The following TFAP2E variants were observed in gnomAD, a reference collection of about 807,000 sequenced individuals.
TFAP2E encodes the protein transcription factor AP-2-epsilon.
A neutral mutation model predicts 37.9 loss-of-function variants in TFAP2E; 30 were observed. The observed-to-expected ratio is 0.79, with a 90% confidence interval of 0.59 to 1.07. The LOEUF is 1.07. Ranked by LOEUF, TFAP2E falls within the 50% of genes least tolerant of loss-of-function variation. The pLI, the probability that TFAP2E is intolerant of heterozygous loss-of-function variation, is 0.00. For missense variants in TFAP2E, 567 were observed against 637.9 expected, an observed-to-expected ratio of 0.89 and a Z score of 1.20; for synonymous variants, 318 against 295.8, an observed-to-expected ratio of 1.08 and a Z score of -0.77.
At position 35,574,369 on chromosome 1, in the gene TFAP2E, T is replaced by C; in HGVS notation, c.470T>C (p.Leu157Pro). 1 of 1,444,486 alleles carries C rather than the reference T, an allele frequency of 6.9e-7. No individual in the cohort carries two copies. Among genetic ancestry groups the C allele is most frequent in the Non-Finnish European group, 9.0e-7 (1 of 1,111,656 alleles). The allele number at this position is 1,444,486 out of a possible 1,614,324, so 89.5% of individuals were successfully genotyped here. A position where few individuals can be genotyped will look rare whatever the true frequency, so the allele number is the denominator to read the frequency against. Residue 157 changes from leucine (L) to proline (P), a missense_variant, in exon 2 of 7, where the codon CTT becomes CCT. By Grantham distance (98) the Leu-to-Pro change is moderately conservative (BLOSUM62 -3). This residue lies in a region of TFAP2E where 312 missense variants were observed against 317.4 expected (regional missense o/e 0.98). Coordinates refer to ENST00000373235, the MANE Select transcript of TFAP2E (RefSeq NM_178548.4). ...AHGLADAPLG[L>P]PGLAAAPGLE... Reference sequence around the variant, plus strand: ...GGCCTGGCAGACGCACCTCTCGGCCTTCCGGGGCTGGCGGCGGCCCCCGGT... The same window carrying C: ...GGCCTGGCAGACGCACCTCTCGGCCCTCCGGGGCTGGCGGCGGCCCCCGGT...
chr1:35,590,514 A>G lies in TFAP2E; in HGVS notation c.905-120A>G. ...GAGCTGGGCTGGGAAGGAACATCAG[A>G]GGGGGCATCTACACAGGCAGGATGG... is the stretch of plus-strand genomic sequence containing the variant. On this transcript the variant is annotated intron_variant, in intron 5 of 6. Coordinates refer to ENST00000373235, the MANE Select transcript of TFAP2E (RefSeq NM_178548.4). This position sits in a 1 kb window ranked among gnomAD's most constrained non-coding sequence, Gnocchi z 6.2. The G allele has an allele frequency of 2.5e-6, 3 of 1,190,404 alleles. No individual in the cohort carries two copies. The highest frequency in any genetic ancestry group is 3.3e-6 in the Non-Finnish European group (3 of 904,300). 73.7% of individuals were successfully genotyped at this position (1,190,404 alleles called of 1,614,324 possible).
intron 3 of TFAP2E, among the ~76,000 whole-genome samples, chr1:35,582,911 CT>C (rs975535593): frequency 5.6e-4 from 83 of 147,648 alleles, no homozygotes; most frequent in African/African-American, 1.7e-3. Flanking sequence ...TTCTTTCTTT[CT>C]TTTTTTTTTG....
At position 35,588,422 on chromosome 1, in the gene TFAP2E, T is replaced by G. The variant is rs1490163388; in HGVS notation, c.655T>G (p.Cys219Gly). 2.5e-6 allele frequency: 4 copies of G among 1,612,458 alleles called. No homozygotes were observed. The East Asian group carries it at 8.9e-5, about 36-fold the overall frequency. ...GGITNPGEVFCSVPGRLSLLS... is the reference protein window; with the variant it reads ...GGITNPGEVFGSVPGRLSLLS... ...CATCACAAATCCTGGTGAGGTCTTCTGCTCCGTGCCCGGCCGGCTTTCACT... is the reference window on the plus strand; with the variant it reads ...CATCACAAATCCTGGTGAGGTCTTCGGCTCCGTGCCCGGCCGGCTTTCACT... Residue 219 changes from cysteine (C) to glycine (G), a missense_variant, in exon 4 of 7, where the codon TGC (cysteine) becomes GGC (glycine). By Grantham distance (159) the Cys-to-Gly change is radical. Coordinates refer to ENST00000373235, the MANE Select transcript of TFAP2E (RefSeq NM_178548.4). This position sits in a 1 kb window ranked among gnomAD's most constrained non-coding sequence, Gnocchi z 5.1.
Position 35,590,896 on chromosome 1 carries a change from A to G in TFAP2E, c.1046+121A>G. ...GGGCACACATGCGTATTTGCGCACC[A>G]CTGTGTACACGAGCAGTGGGCACAC... On this transcript the variant is annotated intron_variant, in intron 6 of 6. Coordinates refer to ENST00000373235, the MANE Select transcript of TFAP2E (RefSeq NM_178548.4). This position sits in a 1 kb window ranked among gnomAD's most constrained non-coding sequence, Gnocchi z 6.2. 1 of 1,172,912 alleles carries G rather than the reference A, an allele frequency of 8.5e-7. No individual in the cohort carries two copies. Among genetic ancestry groups the G allele is most frequent in the Non-Finnish European group, 1.1e-6 (1 of 912,774 alleles). 72.7% of individuals were successfully genotyped at this position (1,172,912 alleles called of 1,614,324 possible).
At position 35,594,517 on chromosome 1, in the gene TFAP2E, C is replaced by A; in HGVS notation, c.1170C>A (p.Thr390=). 1 of 1,614,198 alleles carries A rather than the reference C, an allele frequency of 6.2e-7. No homozygotes were observed. The highest frequency in any genetic ancestry group is 8.5e-7 in the Non-Finnish European group (1 of 1,180,026). The change falls in exon 7 of 7, where the codon ACC becomes ACA. Residue 390 remains threonine (T), a synonymous_variant. Coordinates refer to ENST00000373235, the MANE Select transcript of TFAP2E (RefSeq NM_178548.4). ...QSCLTHFSLI[T]HGFGGPAICA... ...GCTTGACACACTTTAGCCTCATCAC[C>A]CATGGCTTCGGTGGGCCTGCCATCT...
rs1343395883 is a variant in TFAP2E at position 35,573,967 on chromosome 1, G to A, written c.68G>A (p.Arg23His). The A allele has an allele frequency of 1.4e-6, 2 of 1,472,848 alleles. No homozygotes were observed. The highest frequency in any genetic ancestry group is 2.6e-5 in the Admixed American group (1 of 39,104). 91.2% of individuals were successfully genotyped at this position (1,472,848 alleles called of 1,614,324 possible). The part of the protein sequence containing the change: ...DGLGAAAGGA[R>H]LSSLPQAAYG... The stretch of plus-strand genomic sequence containing the variant: ...CTGGGAGCAGCTGCCGGCGGGGCCC[G>A]CCTGTCGTCTCTGCCCCAGGCGGCC... The change falls in exon 2 of 7, where the codon CGC (arginine) becomes CAC (histidine). Residue 23 changes from arginine (R) to histidine (H), a missense_variant. Physicochemically the swap from Arg to His is conservative, Grantham distance 29. This residue lies in a region of TFAP2E where 312 missense variants were observed against 317.4 expected (regional missense o/e 0.98). Transcript: ENST00000373235. The surrounding 1 kb of genome is among the most constrained non-coding windows in gnomAD (Gnocchi z 5.9).
chr1:35,577,544 A>T lies in TFAP2E; in HGVS notation c.562+2544A>T. ...GCCACCTGAAGCGTCGGATCCCTACAGTGCCTCCCAGCCTGGGCGGGAGCG... is the reference window on the plus strand; with the variant it reads ...GCCACCTGAAGCGTCGGATCCCTACTGTGCCTCCCAGCCTGGGCGGGAGCG... On this transcript the variant is annotated intron_variant, in intron 3 of 6. Transcript: ENST00000373235. The surrounding 1 kb of genome is among the most constrained non-coding windows in gnomAD (Gnocchi z 6.3). 2.3e-6 allele frequency: 1 copy of T among 430,378 alleles called. No homozygotes were observed. Among genetic ancestry groups the T allele is most frequent in the South Asian group, 1.6e-5 (1 of 62,674 alleles). 26.7% of individuals were successfully genotyped at this position (430,378 alleles called of 1,614,324 possible).
At chr1:35,587,167 G>A (rs747101831) in intron 3 of TFAP2E, among the ~76,000 whole-genome samples, 6 of 152,294 alleles carry the variant, frequency 3.9e-5, no homozygotes, top group South Asian at 2.1e-4. Context: ...ATGTACACAC[G>A]AGGCCTTGTC....
In TFAP2E at chr1:35,573,453, C is replaced by A. The variant is rs1458935708; in HGVS notation, c.-125C>A. 3 of 1,272,644 alleles carry A rather than the reference C, an allele frequency of 2.4e-6. No homozygotes were observed. The East Asian group carries it at 9.4e-5, about 40-fold the overall frequency. The allele number at this position is 1,272,644 out of a possible 1,614,324, so 78.8% of individuals were successfully genotyped here. ...ACGCCCACTAGGATCCCGGCTGGGT[C>A]GCACCCAGCTACCGCACCGTGACCT... On this transcript the variant is annotated 5_prime_UTR_variant, in exon 1 of 7. Coordinates refer to ENST00000373235, the MANE Select transcript of TFAP2E (RefSeq NM_178548.4). This position sits in a 1 kb window ranked among gnomAD's most constrained non-coding sequence, Gnocchi z 5.9.
Position 35,594,532 on chromosome 1 carries a change from GC to G in TFAP2E, c.1187del (p.Pro396LeufsTer26), listed in dbSNP as rs1649775040. 1 of 1,614,038 alleles carries G rather than the reference GC, an allele frequency of 6.2e-7. No homozygotes were observed. Among genetic ancestry groups the G allele is most frequent in the South Asian group, 1.1e-5 (1 of 91,074 alleles). ...GCCTCATCACCCATGGCTTCGGTGGGCCTGCCATCTGTGCTGCCCTCACTGC... is the reference window on the plus strand; with the variant it reads ...GCCTCATCACCCATGGCTTCGGTGGGCTGCCATCTGTGCTGCCCTCACTGC... ...FSLITHGFGG[P>X]AICAALTAFQ... On this transcript the variant is annotated frameshift_variant, in exon 7 of 7. Transcript: ENST00000373235. LOFTEE classifies it high-confidence loss of function.
At chr1:35,575,486 C>T (rs559681658) in intron 3 of TFAP2E, among the ~76,000 whole-genome samples, 6 of 152,148 alleles carry the variant, frequency 3.9e-5, no homozygotes, top group African/African-American at 1.4e-4. Context: ...GAGTCTCTTG[C>T]GGCATTTAGA....
chr1:35,579,343 CCAAGATCACACCATTGCA>C (rs966686132), intron 3 of TFAP2E, among the ~76,000 whole-genome samples: 1 of 151,740 alleles, frequency 6.6e-6, no homozygotes, highest in African/African-American at 2.4e-5. Flanking sequence ...TTGCAGTGAA[CCAAGATCACACCATTGCA>C]CTCCAGCCTG....
Position 35,594,867 on chromosome 1 carries a change from G to GT in TFAP2E, c.*192dup, listed in dbSNP as rs764557242. ...GTGGCCTCTCTGTGGTGGTGTGTTGGTAAGTTAAGGGCCCAGGTATTTGTC... is the reference window on the plus strand; with the variant it reads ...GTGGCCTCTCTGTGGTGGTGTGTTGGTTAAGTTAAGGGCCCAGGTATTTGTC... On this transcript the variant is annotated 3_prime_UTR_variant, in exon 7 of 7. Transcript: ENST00000373235. 3 of 748,592 alleles carry GT rather than the reference G, an allele frequency of 4.0e-6. No homozygotes were observed. The highest frequency in any genetic ancestry group is 6.4e-6 in the Non-Finnish European group (3 of 471,366). 46.4% of individuals were successfully genotyped at this position (748,592 alleles called of 1,614,324 possible). A position where few individuals can be genotyped will look rare whatever the true frequency, so the allele number is the denominator to read the frequency against.
At chr1:35,575,298 C>G (rs1403919649) in intron 3 of TFAP2E, among the ~76,000 whole-genome samples, 1 of 152,336 alleles carries the variant, frequency 6.6e-6, no homozygotes, top group East Asian at 1.9e-4. Flanking sequence ...ATTTGCAGAA[C>G]GAGTTAAACC....
intron 3 of TFAP2E, among the ~76,000 whole-genome samples, chr1:35,582,814 C>A (rs541017652): frequency 6.6e-6 from 1 of 152,080 alleles, no homozygotes; most frequent in Non-Finnish European, 1.5e-5. Flanking sequence ...CTCATGCTAC[C>A]ATACCATGCT....
chr1:35,578,687 G>A (rs545720542), intron 3 of TFAP2E, among the ~76,000 whole-genome samples: 15 of 152,210 alleles, frequency 9.9e-5, no homozygotes, highest in South Asian at 6.2e-4. Context: ...GGAGGGAGCT[G>A]GGGAGGGTCT....
rs371004054 is a variant in TFAP2E at position 35,590,668 on chromosome 1, C to T, written c.939C>T (p.Tyr313=). Residue 313 remains tyrosine (Y), a synonymous_variant, in exon 6 of 7, where the codon TAC becomes TAT. Coordinates refer to ENST00000373235, the MANE Select transcript of TFAP2E (RefSeq NM_178548.4). This position sits in a 1 kb window ranked among gnomAD's most constrained non-coding sequence, Gnocchi z 6.2. ...EAVHLARDFG[Y]VCETEFPAKA... is the part of the protein sequence containing the mutation. Reference sequence around the variant, plus strand: ...TGCACCTGGCCCGAGACTTCGGTTACGTCTGTGAGACGGAGTTCCCAGCCA... The same window carrying T: ...TGCACCTGGCCCGAGACTTCGGTTATGTCTGTGAGACGGAGTTCCCAGCCA... The T allele has an allele frequency of 9.0e-6, 14 of 1,549,436 alleles. No homozygotes were observed. Among genetic ancestry groups the T allele is most frequent in the African/African-American group, 8.2e-5 (6 of 73,600 alleles).
intron 3 of TFAP2E, among the ~76,000 whole-genome samples, chr1:35,584,316 T>C (rs1649425103): frequency 6.6e-6 from 1 of 152,124 alleles, no homozygotes; most frequent in East Asian, 1.9e-4. Context: ...TTGCCCAGGC[T>C]GGTCTCAAAC....
In TFAP2E at chr1:35,588,342, C is replaced by T; in HGVS notation, c.575C>T (p.Ser192Phe). Residue 192 changes from serine (S) to phenylalanine (F), a missense_variant, in exon 4 of 7, where the codon TCC (serine) becomes TTC (phenylalanine). Physicochemically the swap from Ser to Phe is radical, Grantham distance 155. Coordinates refer to ENST00000373235, the MANE Select transcript of TFAP2E (RefSeq NM_178548.4). The surrounding 1 kb of genome is among the most constrained non-coding windows in gnomAD (Gnocchi z 5.1). ...QSVIKKVPIP[S>F]KASSLSALSL... ...CTCTTCTCCACAGTGCCCATCCCCT[C>T]CAAAGCCAGCAGCCTCTCAGCCCTC... 6.2e-7 allele frequency: 1 copy of T among 1,612,648 alleles called. No homozygotes were observed. Among genetic ancestry groups the T allele is most frequent in the South Asian group, 1.1e-5 (1 of 90,994 alleles).
Sources: allele counts gnomAD v4.1 joint callset (sites outside exome capture counted in the v4.1 genomes callset), GRCh38; gene constraint gnomAD v4.1.1; regional missense constraint gnomAD v4.1.1; non-coding constraint Gnocchi (gnomAD v3.1); transcripts MANE v1.5; gene names NCBI Gene and HGNC (gene_info 2026-07-23, HGNC 2026-07-21).